MAEA: variants seen among roughly 807,000 people sequenced by gnomAD.
MAEA encodes the protein macrophage erythroblast attacher, E3 ubiquitin ligase.
Under a neutral mutation model 46.2 loss-of-function variants are expected in MAEA, and 22 were observed. The observed-to-expected ratio is 0.48, with a 90% confidence interval of 0.34 to 0.68. The LOEUF is 0.68. Among genes scored for constraint, MAEA ranks in the 30% least tolerant of loss-of-function variants. The pLI, the probability that MAEA is intolerant of heterozygous loss-of-function variation, is 0.01. For synonymous variants in MAEA, 246 were observed against 222.6 expected, an observed-to-expected ratio of 1.11 and a Z score of -0.94; for missense variants, 393 against 558.1, an observed-to-expected ratio of 0.70 and a Z score of 2.98.
At chr4:1,291,309 C>T (rs976703753) in intron 1 of MAEA, among the ~76,000 whole-genome samples, 3 of 152,156 alleles carry the variant, frequency 2.0e-5, no homozygotes, top group Admixed American at 2.0e-4. Flanking sequence ...CTAATGGTTT[C>T]GCAGTGGGGT....
chr4:1,319,551 G>A (rs1166892503), intron 3 of MAEA, among the ~76,000 whole-genome samples: 7 of 151,996 alleles, frequency 4.6e-5, no homozygotes, highest in African/African-American at 1.7e-4. Flanking sequence ...CCGAGGCTGT[G>A]TTGACGGGAC....
chr4:1,339,220 A>T lies in MAEA; in HGVS notation c.*51A>T. 1 of 1,361,778 alleles carries T rather than the reference A, an allele frequency of 7.3e-7. No individual in the cohort carries two copies. The highest frequency in any genetic ancestry group is 1.1e-6 in the Non-Finnish European group (1 of 950,602). 84.4% of individuals were successfully genotyped at this position (1,361,778 alleles called of 1,614,324 possible). On this transcript the variant is annotated 3_prime_UTR_variant, in exon 9 of 9. Transcript: ENST00000303400. The stretch of plus-strand genomic sequence containing the variant: ...CGGGGACGGGCTGCAGTGGGCGGGG[A>T]GGCCACGCCTTCCTCCTGTCCCACG...
At chr4:1,318,528 G>C (rs1403192011) in intron 3 of MAEA, among the ~76,000 whole-genome samples, 1 of 152,208 alleles carries the variant, frequency 6.6e-6, no homozygotes, top group Non-Finnish European at 1.5e-5. Flanking sequence ...GCCTGGAGCT[G>C]CTGTGTGGAA....
chr4:1,329,343 C>T (rs1739249070), intron 5 of MAEA: 6 of 985,578 alleles, frequency 6.1e-6, no homozygotes, highest in Non-Finnish European at 6.0e-6. Context: ...CCTTGTTCCC[C>T]CTGCTCTGGG....
In MAEA at chr4:1,296,450, G is replaced by A. The variant is rs373066546; in HGVS notation, c.69+6468G>A. 5.3e-4 allele frequency among the ~76,000 whole-genome samples: 59 copies of A among 112,026 alleles called. No individual in the cohort carries two copies. The Middle Eastern group carries it at 0.028, about 53-fold the overall frequency. The allele number at this position is 112,026 out of a possible 152,430, so 73.5% of individuals were successfully genotyped here. On this transcript the variant is annotated intron_variant, in intron 1 of 8. Transcript: ENST00000303400. ...CCCATGCCTGTGCCGTTCCTCACCC[G>A]TGCCTGTGCCCCCCTCACCCGTGCC...
At chr4:1,313,555 A>G (rs1736772867) in intron 2 of MAEA, among the ~76,000 whole-genome samples, 4 of 152,078 alleles carry the variant, frequency 2.6e-5, no homozygotes, top group Admixed American at 1.3e-4. Flanking sequence ...GGGAGACCCC[A>G]TCTCCACAAA....
rs781754972 is a variant in MAEA, at chr4:1,312,240, C to G, written c.252+79C>G. On this transcript the variant is annotated intron_variant, in intron 2 of 8. Coordinates refer to ENST00000303400, the MANE Select transcript of MAEA (RefSeq NM_001017405.3). ...TCTCGAAAATGAGTCCTAAGACAGG[C>G]AAGCTGCAATGATGGGAACGCGGGA... 4 of 1,548,336 alleles carry G rather than the reference C, an allele frequency of 2.6e-6. No individual in the cohort carries two copies. In the African/African-American group the frequency reaches 4.1e-5, roughly 16 times the overall value.
At chr4:1,326,420 G>A (rs181754662) in intron 4 of MAEA, among the ~76,000 whole-genome samples, 3 of 152,314 alleles carry the variant, frequency 2.0e-5, no homozygotes, top group Non-Finnish European at 4.4e-5. Flanking sequence ...CGGTTTAGAC[G>A]GACATGTCAC....
rs1316213320 is a variant in MAEA, at chr4:1,338,532, G to A, written c.1010G>A (p.Arg337His). The change falls in exon 8 of 9, where the codon CGC becomes CAC. Residue 337 changes from arginine to histidine, a missense_variant. Physicochemically the swap from Arg to His is conservative, Grantham distance 29. This residue lies in a region of MAEA where 358 missense variants were observed against 537.9 expected (regional missense o/e 0.67). Transcript: ENST00000303400. ...PLPMAHCANS[R>H]LVCKISGDVM... ...CCCATGGCCCACTGTGCCAACTCCC[G>A]CCTGGTCTGCAAGATTTCTGGCGAC... 4 of 1,613,362 alleles carry A rather than the reference G, an allele frequency of 2.5e-6. No individual in the cohort carries two copies. The highest frequency in any genetic ancestry group is 1.1e-5 in the South Asian group (1 of 91,090).
intron 1 of MAEA, among the ~76,000 whole-genome samples, chr4:1,307,413 T>A (rs549155688): frequency 6.6e-6 from 1 of 152,362 alleles, no homozygotes; most frequent in Admixed American, 6.5e-5. Context: ...GTTAGCAGAT[T>A]TGTCTTTTCA....
At chr4:1,298,662 C>T (rs867444204) in intron 1 of MAEA, among the ~76,000 whole-genome samples, 21 of 152,162 alleles carry the variant, frequency 1.4e-4, no homozygotes, top group Middle Eastern at 3.2e-3. Context: ...TCCTAGAGCG[C>T]CATCCTCGCG....
rs1560389517 is a variant in MAEA at position 1,334,086 on chromosome 4, GCACCCATCCCA to G, written c.765+1222_765+1232del. ...CCCCCATGCCCGTGTGCTCACCCCT[GCACCCATCCCA>G]TGCCTACCGTGCTCACCCCCATGCC... On this transcript the variant is annotated intron_variant, in intron 6 of 8. Coordinates refer to ENST00000303400, the MANE Select transcript of MAEA (RefSeq NM_001017405.3). 3.7e-3 allele frequency among the ~76,000 whole-genome samples: 46 copies of G among 12,402 alleles called. 6 individuals are homozygous for G. Among genetic ancestry groups the G allele is most frequent in the Non-Finnish European group, 2.5e-3 (18 of 7,248 alleles). The allele number at this position is 12,402 out of a possible 152,430, so 8.1% of individuals were successfully genotyped here.
rs901611790 is a variant in MAEA at position 1,339,493 on chromosome 4, C to T, written c.*324C>T. 3.4e-5 allele frequency: 11 copies of T among 325,486 alleles called. No homozygotes were observed. Among genetic ancestry groups the T allele is most frequent in the Non-Finnish European group, 5.7e-5 (10 of 174,106 alleles). The allele number at this position is 325,486 out of a possible 1,614,324, so 20.2% of individuals were successfully genotyped here. A position where few individuals can be genotyped will look rare whatever the true frequency, so the allele number is the denominator to read the frequency against. ...TAAGAACGTTTAAAATATAGGAGTC[C>T]GTGATTTCCCTGTGTTTTCAGTTTC... On this transcript the variant is annotated 3_prime_UTR_variant, in exon 9 of 9. Transcript: ENST00000303400.
intron 1 of MAEA, among the ~76,000 whole-genome samples, chr4:1,305,902 A>G (rs760920266): frequency 2.0e-5 from 3 of 152,236 alleles, no homozygotes; most frequent in African/African-American, 7.2e-5. Context: ...GAGGGCTGAC[A>G]GTAGCAGTTT....
At chr4:1,333,547 C>T (rs1028016584) in intron 6 of MAEA, among the ~76,000 whole-genome samples, 10 of 152,224 alleles carry the variant, frequency 6.6e-5, no homozygotes, top group East Asian at 1.9e-4. Flanking sequence ...CGACTCTCCG[C>T]GGTCACTGGG....
intron 1 of MAEA, among the ~76,000 whole-genome samples, chr4:1,307,151 TTATA>T (rs1452239787): frequency 1.5e-3 from 227 of 152,348 alleles, no homozygotes; most frequent in African/African-American, 5.1e-3. Flanking sequence ...AAAGATACTG[TTATA>T]TATGTATACA....
At chr4:1,315,967 C>G (rs995138541) in intron 3 of MAEA, among the ~76,000 whole-genome samples, 10 of 141,936 alleles carry the variant, frequency 7.0e-5, no homozygotes, top group South Asian at 7.0e-4. Flanking sequence ...GGCCCTGACC[C>G]TTTGTGGAAA....
chr4:1,295,728 A>G (rs138613290), intron 1 of MAEA, among the ~76,000 whole-genome samples: 450 of 8,140 alleles, frequency 0.055, 7 homozygotes, highest in Middle Eastern at 0.12. Flanking sequence ...CCGCTCCTGT[A>G]CCCCCTCACC....
intron 1 of MAEA, among the ~76,000 whole-genome samples, chr4:1,310,990 A>G (rs1336711301): frequency 6.6e-6 from 1 of 152,176 alleles, no homozygotes; most frequent in Non-Finnish European, 1.5e-5. Context: ...ACGTGGCCTC[A>G]CGGCTAAGCA....
Sources: allele counts gnomAD v4.1 joint callset (sites outside exome capture counted in the v4.1 genomes callset), GRCh38; gene constraint gnomAD v4.1.1; regional missense constraint gnomAD v4.1.1; transcripts MANE v1.5; gene names NCBI Gene and HGNC (gene_info 2026-07-23, HGNC 2026-07-21).